The following PKD2L2 variants were observed in gnomAD, a reference collection of about 807,000 sequenced individuals.
PKD2L2 encodes the protein polycystin-2-like protein 2.
Under a neutral mutation model 83.9 loss-of-function variants are expected in PKD2L2, and 67 were observed. That is an observed-to-expected ratio of 0.80 (90% CI 0.66 to 0.98). PKD2L2 has a LOEUF of 0.98. Ranked by LOEUF, PKD2L2 falls within the 50% of genes least tolerant of loss-of-function variation. The probability of loss-of-function intolerance (pLI) is 0.00; values close to 1 mark genes in which losing one functional copy is unlikely to be tolerated. For synonymous variants in PKD2L2, 223 were observed against 237.8 expected, an observed-to-expected ratio of 0.94 and a Z score of 0.57; for missense variants, 632 against 717.2, an observed-to-expected ratio of 0.88 and a Z score of 1.36.
Position 137,923,520 on chromosome 5 carries a change from A to C in PKD2L2, c.1550A>C (p.Gln517Pro). The change falls in exon 10 of 15, where the codon CAG becomes CCG. Residue 517 changes from glutamine to proline, a missense_variant and splice_region_variant. By Grantham distance (76) the Gln-to-Pro change is moderately conservative. This residue lies in a region of PKD2L2 where 399 missense variants were observed against 416.9 expected (regional missense o/e 0.96). Coordinates refer to ENST00000508883, the MANE Select transcript of PKD2L2 (RefSeq NM_001300921.2). Reference protein sequence around the residue: ...LDFELGKMIKQSYKNVLEKFR... With the variant: ...LDFELGKMIKPSYKNVLEKFR... ...TTTGAACTTGGCAAAATGATTAAAC[A>C]GGTAAGTCAAATTTCTTTCCTAATT... is the stretch of plus-strand genomic sequence containing the variant. 7.6e-7 allele frequency: 1 copy of C among 1,312,740 alleles called. No individual in the cohort carries two copies. Among genetic ancestry groups the C allele is most frequent in the East Asian group, 2.3e-5 (1 of 43,464 alleles). The allele number at this position is 1,312,740 out of a possible 1,614,324, so 81.3% of individuals were successfully genotyped here.
At position 137,892,609 on chromosome 5, in the gene PKD2L2, GGAA is replaced by G. The variant is rs761726659; in HGVS notation, c.265_267del (p.Lys89del). 28 of 1,610,888 alleles carry G rather than the reference GGAA, an allele frequency of 1.7e-5. No individual in the cohort carries two copies. Among genetic ancestry groups the G allele is most frequent in the African/African-American group, 4.0e-5 (3 of 74,734 alleles). On this transcript the variant is annotated inframe_deletion and splice_region_variant, in exon 3 of 15. Coordinates refer to ENST00000508883, the MANE Select transcript of PKD2L2 (RefSeq NM_001300921.2). Reference sequence around the variant, plus strand: ...TCCATTCGCAGCATAACTGATTTTTGGAAGGTAAAGTATCTTGTGACTGTGGAT... The same window carrying G: ...TCCATTCGCAGCATAACTGATTTTTGGGTAAAGTATCTTGTGACTGTGGAT...
At chr5:137,920,543 G>A (rs1758797047) in intron 8 of PKD2L2, among the ~76,000 whole-genome samples, 1 of 152,064 alleles carries the variant, frequency 6.6e-6, no homozygotes, top group African/African-American at 2.4e-5. Context: ...TGGATCATGA[G>A]GTCAGGAGTT....
At chr5:137,929,534 C>CAA (rs756601170) in intron 12 of PKD2L2, among the ~76,000 whole-genome samples, 1,127 of 3,428 alleles carry the variant, frequency 0.33, 427 homozygotes, top group Non-Finnish European at 0.38. Context: ...ACAAAATTGC[C>CAA]AAAAAAAAAA....
At chr5:137,891,438 C>T (rs1484130521) in intron 2 of PKD2L2, among the ~76,000 whole-genome samples, 1 of 151,040 alleles carries the variant, frequency 6.6e-6, no homozygotes, top group Non-Finnish European at 1.5e-5. Context: ...TGCACTTCAG[C>T]CTGGGTGACA....
chr5:137,890,171 T>C (rs1755830216), intron 1 of PKD2L2: 2 of 204,760 alleles, frequency 9.8e-6, no homozygotes, highest in Non-Finnish European at 9.6e-6. Context: ...TAGTCCCAGC[T>C]ACTCGGGAGG....
chr5:137,897,885 G>A (rs1342100705), intron 4 of PKD2L2, among the ~76,000 whole-genome samples: 1 of 151,954 alleles, frequency 6.6e-6, no homozygotes, highest in East Asian at 1.9e-4. Flanking sequence ...ACTGAATAGA[G>A]AGACTGAAAT....
Position 137,925,096 on chromosome 5 carries a change from C to T in PKD2L2, c.1608C>T (p.Asp536=), listed in dbSNP as rs1287728503. The T allele has an allele frequency of 6.3e-7, 1 of 1,591,862 alleles. No individual in the cohort carries two copies. Among genetic ancestry groups the T allele is most frequent in the Middle Eastern group, 1.7e-4 (1 of 6,026 alleles). The change falls in exon 11 of 15, where the codon GAC becomes GAT. Residue 536 remains aspartate (D), a synonymous_variant. Transcript: ENST00000508883. ...TGAAGAAAGCTCAAAAAGATGAAGA[C>T]AAGAAAACGTAAGATGACTTCTCTC... ...FRLKKAQKDE[D]KKTKGSGDLA...
chr5:137,920,238 A>C (rs1485823505), intron 8 of PKD2L2, among the ~76,000 whole-genome samples: 2 of 152,164 alleles, frequency 1.3e-5, no homozygotes, highest in African/African-American at 4.8e-5. Flanking sequence ...CCTCATAAAG[A>C]ACACACACAC....
intron 14 of PKD2L2, chr5:137,940,469 T>TA (rs3214311): frequency 0.029 from 15,082 of 527,058 alleles, 28 homozygotes; most frequent in African/African-American, 0.047. Flanking sequence ...GTTGTTCTGT[T>TA]AAAAAAAAAA....
Position 137,940,443 on chromosome 5 carries a change from T to A in PKD2L2, c.*18-1941T>A, listed in dbSNP as rs10070991. 1.0e-3 allele frequency: 731 copies of A among 711,930 alleles called. 4 individuals carry two copies. In the African/African-American group the frequency reaches 0.012, roughly 12 times the overall value. 44.1% of individuals were successfully genotyped at this position (711,930 alleles called of 1,614,324 possible). Reference sequence around the variant, plus strand: ...ATATGAGACATACTGTTACTAAACATAAGTTCAAATAAAAAGTTGTTCTGT... The same window carrying A: ...ATATGAGACATACTGTTACTAAACAAAAGTTCAAATAAAAAGTTGTTCTGT... On this transcript the variant is annotated intron_variant, in intron 14 of 14. Coordinates refer to ENST00000508883, the MANE Select transcript of PKD2L2 (RefSeq NM_001300921.2).
chr5:137,935,497 AAAGAG>A (rs1221493468), intron 12 of PKD2L2, among the ~76,000 whole-genome samples: 4 of 152,256 alleles, frequency 2.6e-5, no homozygotes, highest in Non-Finnish European at 4.4e-5. Context: ...TGATCACAAG[AAAGAG>A]AAAATAATTT....
Position 137,923,520 on chromosome 5 carries a change from AG to A in PKD2L2, c.1551+1del. The stretch of plus-strand genomic sequence containing the variant: ...TTTGAACTTGGCAAAATGATTAAAC[AG>A]GTAAGTCAAATTTCTTTCCTAATTA... ...LDFELGKMIK[Q>X]SYKNVLEKFR... is the part of the protein sequence containing the mutation. On this transcript the variant is annotated frameshift_variant and splice_region_variant, in exon 10 of 15. Coordinates refer to ENST00000508883, the MANE Select transcript of PKD2L2 (RefSeq NM_001300921.2). LOFTEE classifies it high-confidence loss of function. 7.6e-7 allele frequency: 1 copy of A among 1,312,740 alleles called. No individual in the cohort carries two copies. Among genetic ancestry groups the A allele is most frequent in the Non-Finnish European group, 1.1e-6 (1 of 906,024 alleles). The allele number at this position is 1,312,740 out of a possible 1,614,324, so 81.3% of individuals were successfully genotyped here. A position where few individuals can be genotyped will look rare whatever the true frequency, so the allele number is the denominator to read the frequency against.
At chr5:137,896,203 G>A (rs1392798637) in intron 4 of PKD2L2, among the ~76,000 whole-genome samples, 1 of 151,526 alleles carries the variant, frequency 6.6e-6, no homozygotes, top group African/African-American at 2.4e-5. Flanking sequence ...ATTGAGAAGA[G>A]AATAGACATT....
chr5:137,894,717 C>T, intron 4 of PKD2L2, 108 bp downstream of exon 4: 1 of 771,966 alleles, frequency 1.3e-6, no homozygotes, highest in South Asian at 1.8e-5. Flanking sequence ...GGTAAGGAAA[C>T]TGTTTCAACA....
At chr5:137,893,378 T>C (rs112032009) in intron 3 of PKD2L2, among the ~76,000 whole-genome samples, 4 of 152,300 alleles carry the variant, frequency 2.6e-5, no homozygotes, top group African/African-American at 9.6e-5. Flanking sequence ...CTTTTTCCAT[T>C]ACATTTAACA....
chr5:137,892,524 G>GA lies in PKD2L2; in HGVS notation c.178_179insA (p.Val60AspfsTer14). ...CCCACATATGTATTACTTAAACAAG[G>GA]TTATGTCATCTCTATTTTTGGACAC... On this transcript the variant is annotated frameshift_variant, in exon 3 of 15. Coordinates refer to ENST00000508883, the MANE Select transcript of PKD2L2 (RefSeq NM_001300921.2). LOFTEE classifies it high-confidence loss of function. The GA allele has an allele frequency of 6.2e-7, 1 of 1,603,546 alleles. No homozygotes were observed. The highest frequency in any genetic ancestry group is 8.5e-7 in the Non-Finnish European group (1 of 1,172,254).
intron 4 of PKD2L2, among the ~76,000 whole-genome samples, chr5:137,898,477 A>G (rs567502573): frequency 6.6e-6 from 1 of 152,322 alleles, no homozygotes; most frequent in East Asian, 1.9e-4. Flanking sequence ...CTCATAACAG[A>G]AACAACCTGT....
At chr5:137,927,215 A>G (rs1759447456) in intron 12 of PKD2L2, among the ~76,000 whole-genome samples, 1 of 152,234 alleles carries the variant, frequency 6.6e-6, no homozygotes, top group African/African-American at 2.4e-5. Context: ...CACCTTAATC[A>G]AGTAAGTGAC....
At chr5:137,902,316 A>C (rs1263632329) in intron 5 of PKD2L2, among the ~76,000 whole-genome samples, 1 of 152,000 alleles carries the variant, frequency 6.6e-6, no homozygotes, top group Non-Finnish European at 1.5e-5. Context: ...CAGAAAAATT[A>C]CTATGTAAAA....
Sources: gnomAD v4.1 joint callset for allele counts (sites outside exome capture counted in the v4.1 genomes callset) on GRCh38, gnomAD v4.1.1 for gene constraint, gnomAD v4.1.1 regional missense constraint, MANE v1.5 for transcripts, NCBI Gene and HGNC (gene_info 2026-07-23, HGNC 2026-07-21) for gene names.